The following LTA4H variants were observed in gnomAD, a reference collection of about 807,000 sequenced individuals.
The protein encoded by LTA4H is leukotriene A-4 hydrolase.
LTA4H carries 59 observed loss-of-function variants against 89.8 expected under a neutral mutation model. That is an observed-to-expected ratio of 0.66 (90% CI 0.53 to 0.82). LTA4H has a LOEUF of 0.82. Ranked by LOEUF, LTA4H falls within the 40% of genes least tolerant of loss-of-function variation. The pLI, the probability that LTA4H is intolerant of heterozygous loss-of-function variation, is 0.00. For missense variants in LTA4H, 617 were observed against 727.0 expected, an observed-to-expected ratio of 0.85 and a Z score of 1.74; for synonymous variants, 227 against 253.1, an observed-to-expected ratio of 0.90 and a Z score of 0.98.
intron 3 of LTA4H, among the ~76,000 whole-genome samples, chr12:96,026,118 G>C (rs1033035460): frequency 1.3e-5 from 2 of 152,142 alleles, no homozygotes; most frequent in African/African-American, 4.8e-5. Flanking sequence ...GATTAAGTAG[G>C]ACTAGCAGAG....
chr12:96,021,666 AACACAC>A (rs60322768), intron 5 of LTA4H, among the ~76,000 whole-genome samples: 23,162 of 147,098 alleles, frequency 0.16, 2,219 homozygotes, highest in Non-Finnish European at 0.23. Context: ...CAATTAAGAA[AACACAC>A]ACACACACAC....
intron 2 of LTA4H, among the ~76,000 whole-genome samples, chr12:96,028,545 C>T (rs1950537701): frequency 6.6e-6 from 1 of 152,166 alleles, no homozygotes; most frequent in Admixed American, 6.5e-5. Context: ...CTAAGGTTCC[C>T]TTTCCTCATC....
chr12:96,002,136 C>T (rs1340623649), intron 18 of LTA4H, among the ~76,000 whole-genome samples: 2 of 152,142 alleles, frequency 1.3e-5, no homozygotes, highest in Non-Finnish European at 2.9e-5. Context: ...GGATTACAGG[C>T]GTGAGCCACC....
intron 14 of LTA4H, 50 bp downstream of exon 14, chr12:96,013,138 T>C: frequency 7.2e-7 from 1 of 1,383,166 alleles, no homozygotes; most frequent in Non-Finnish European, 1.0e-6. Flanking sequence ...TTTGAGGCTC[T>C]CTAGGAGTTA....
chr12:96,018,682 T>C, intron 8 of LTA4H, 81 bp downstream of exon 8: 2 of 985,738 alleles, frequency 2.0e-6, no homozygotes, highest in Non-Finnish European at 2.8e-6. Context: ...TTTACATATA[T>C]ATACATATTA....
At chr12:96,031,205 C>A (rs1223357217) in intron 1 of LTA4H, among the ~76,000 whole-genome samples, 2 of 152,132 alleles carry the variant, frequency 1.3e-5, no homozygotes, top group African/African-American at 4.8e-5. Context: ...TTTCTTTTTC[C>A]ATTAGACTAA....
At chr12:96,043,232 G>T in intron 1 of LTA4H, 1 of 1,246,888 alleles carries the variant, frequency 8.0e-7, no homozygotes, top group Non-Finnish European at 1.1e-6. Context: ...TGAAGGGGTA[G>T]GCAGGGACTC....
intron 15 of LTA4H, among the ~76,000 whole-genome samples, chr12:96,008,367 T>C (rs1950239124): frequency 6.6e-6 from 1 of 152,138 alleles, no homozygotes; most frequent in Non-Finnish European, 1.5e-5. Context: ...TTAAGAAGCT[T>C]CATAGAAAGT....
chr12:96,035,883 T>C (rs763201401), upstream of LTA4H, among the ~76,000 whole-genome samples: 8 of 152,058 alleles, frequency 5.3e-5, no homozygotes, highest in Admixed American at 2.0e-4. Context: ...AACACTACCA[T>C]TTTGGCTCTG....
At chr12:96,019,899 G>GT (rs748833448) in intron 6 of LTA4H, among the ~76,000 whole-genome samples, 2,072 of 120,872 alleles carry the variant, frequency 0.017, 24 homozygotes, top group South Asian at 0.076. Context: ...CACGCCCAGC[G>GT]TTTTTTTTTT....
intron 1 of LTA4H, among the ~76,000 whole-genome samples, chr12:96,033,866 T>C (rs930973027): frequency 6.6e-6 from 1 of 152,272 alleles, no homozygotes; most frequent in African/African-American, 2.4e-5. Flanking sequence ...AAGTTGCTAC[T>C]GCAATTAAAG....
At chr12:96,041,681 G>A (rs538857001) in intron 1 of LTA4H, among the ~76,000 whole-genome samples, 205 of 152,096 alleles carry the variant, frequency 1.3e-3, no homozygotes, top group African/African-American at 4.3e-3. Context: ...TCTCTGTGTC[G>A]CCCAGGCCGG....
upstream of LTA4H, among the ~76,000 whole-genome samples, chr12:96,036,140 A>T (rs1950644870): frequency 6.6e-6 from 1 of 152,152 alleles, no homozygotes; most frequent in Non-Finnish European, 1.5e-5. Flanking sequence ...TCAAGGTTTA[A>T]ACAGTTGTTT....
intron 17 of LTA4H, 33 bp from the exon 18 acceptor site, chr12:96,003,097 G>C: frequency 7.2e-7 from 1 of 1,390,360 alleles, no homozygotes; most frequent in Non-Finnish European, 1.0e-6. Flanking sequence ...GCATGGAGTA[G>C]AAAATGAGGA....
In LTA4H at chr12:96,027,504, C is replaced by G; in HGVS notation, c.351G>C (p.Gln117His). Residue 117 changes from glutamine to histidine, a missense_variant, in exon 3 of 19, where the codon CAG (glutamine) becomes CAC (histidine). By Grantham distance (24) the Gln-to-His change is conservative (BLOSUM62 0). This residue lies in a region of LTA4H where 155 missense variants were observed against 143.3 expected (regional missense o/e 1.08). Coordinates refer to ENST00000228740, the MANE Select transcript of LTA4H (RefSeq NM_000895.3). ...CAGAAGTCTGTTCAGGAGTGAGCCA[C>G]TGGAGAGCAGAAGATTTTGGAGAGG... is the stretch of plus-strand genomic sequence containing the variant. ...FETSPKSSAL[Q>H]WLTPEQTSGK... is the part of the protein sequence containing the mutation. The G allele has an allele frequency of 1.2e-6, 2 of 1,611,848 alleles. No homozygotes were observed. Among genetic ancestry groups the G allele is most frequent in the Non-Finnish European group, 1.7e-6 (2 of 1,178,408 alleles).
intron 16 of LTA4H, among the ~76,000 whole-genome samples, chr12:96,005,251 T>C (rs1950179596): frequency 6.6e-6 from 1 of 152,124 alleles, no homozygotes; most frequent in South Asian, 2.1e-4. Flanking sequence ...GCTTTCACCC[T>C]GTGTAAACTC....
chr12:96,037,759 T>G (rs1226768240), upstream of LTA4H, among the ~76,000 whole-genome samples: 1 of 136,112 alleles, frequency 7.3e-6, no homozygotes, highest in African/African-American at 2.7e-5. Flanking sequence ...AGTGGCGCAA[T>G]CTCGGCTCAC....
At chr12:96,009,202 C>T (rs1950257140) in intron 14 of LTA4H, 54 bp from the exon 15 acceptor site, 6 of 1,273,488 alleles carry the variant, frequency 4.7e-6, no homozygotes, top group Non-Finnish European at 6.8e-6. Context: ...TGCAGAAATG[C>T]AGTTTTAAAG....
chr12:96,003,187 C>T (rs1299442827), intron 17 of LTA4H, 123 bp from the exon 18 acceptor site: 7 of 590,798 alleles, frequency 1.2e-5, no homozygotes, highest in Non-Finnish European at 1.2e-5. Flanking sequence ...TACTGTACAC[C>T]ACTTTATGGT....
Sources: gnomAD v4.1 joint callset for allele counts (sites outside exome capture counted in the v4.1 genomes callset) on GRCh38, gnomAD v4.1.1 for gene constraint, gnomAD v4.1.1 regional missense constraint, MANE v1.5 for transcripts, NCBI Gene and HGNC (gene_info 2026-07-23, HGNC 2026-07-21) for gene names.